Variants in FAM13B observed in about 807,000 individuals in gnomAD.
The protein encoded by FAM13B is protein FAM13B.
A neutral mutation model predicts 117.3 loss-of-function variants in FAM13B; 60 were observed. The observed-to-expected ratio is 0.51, with a 90% CI of 0.42 to 0.63. The LOEUF (loss-of-function observed/expected upper bound fraction) is 0.63. FAM13B is among the 30% of genes least tolerant of loss of function. FAM13B has a pLI of 0.00. For synonymous variants in FAM13B, 332 were observed against 356.1 expected (o/e 0.93, Z 0.76); for missense variants, 972 against 1,091.9 (o/e 0.89, Z 1.55).
At chr5:137,977,885 T>C (rs1315773648) in intron 10 of FAM13B, among the ~76,000 whole-genome samples, 1 of 152,216 alleles carries the variant, frequency 6.6e-6, no homozygotes, top group Non-Finnish European at 1.5e-5. Flanking sequence ...GTTGGAAACA[T>C]AAATATAAGG....
chr5:137,978,019 A>G (rs564074435), intron 10 of FAM13B, among the ~76,000 whole-genome samples: 1 of 151,832 alleles, frequency 6.6e-6, no homozygotes, highest in East Asian at 1.9e-4. Context: ...AGAAATTGGG[A>G]CTGCATTAGC....
At chr5:137,983,176 T>TTAAAAAAAAAAAAA (rs1776254227) in intron 10 of FAM13B, among the ~76,000 whole-genome samples, 1 of 75,098 alleles carries the variant, frequency 1.3e-5, no homozygotes, top group African/African-American at 5.7e-5. Flanking sequence ...CCAGTGTAGG[T>TTAAAAAAAAAAAAA]AAAAAAAAAA....
chr5:137,974,783 C>G (rs1773426043), intron 10 of FAM13B, among the ~76,000 whole-genome samples: 1 of 151,540 alleles, frequency 6.6e-6, no homozygotes, highest in African/African-American at 2.4e-5. Context: ...ATATTCTAGC[C>G]CAGGTGTTGG....
rs1763403909 is a variant in FAM13B, at chr5:137,946,276, A to C, written c.2196T>G (p.Ala732=). The part of the protein sequence containing the change: ...MTKDHLVEEK[A]SLQKSLLYYE... ...AGTAAAGAAGACTTTTCTGAAGAGA[A>C]GCTTTCTCTTCTACCAAATGATCTT... Residue 732 remains alanine (A), a synonymous_variant, in exon 19 of 24, where the codon GCT becomes GCG. Transcript: ENST00000689681. 5.7e-6 allele frequency: 9 copies of C among 1,589,556 alleles called. No homozygotes were observed. The highest frequency in any genetic ancestry group is 7.7e-6 in the Non-Finnish European group (9 of 1,173,188).
chr5:137,943,271 G>C (rs1762391916), intron 20 of FAM13B, 55 bp from the exon 21 acceptor site: 2 of 1,353,630 alleles, frequency 1.5e-6, no homozygotes, highest in Non-Finnish European at 2.1e-6. Flanking sequence ...AAAGTGTCCA[G>C]TGAAGCTTCC....
chr5:137,982,523 A>AAAC (rs59537285), intron 10 of FAM13B, among the ~76,000 whole-genome samples: 63,780 of 138,156 alleles, frequency 0.46, 14,297 homozygotes, highest in East Asian at 0.66. Context: ...TCCATCTCAA[A>AAAC]AACAACAACA....
In FAM13B at chr5:137,937,983, T is replaced by C. The variant is rs1039016992; in HGVS notation, c.*2242A>G. The stretch of plus-strand genomic sequence containing the variant: ...ACTTAGAACTTTCAAGTTCTTTTAT[T>C]ATAAAAGTCTGTACAATGAAGTGCC... On this transcript the variant is annotated 3_prime_UTR_variant, in exon 24 of 24. Transcript: ENST00000689681. 6 of 152,170 alleles carry C rather than the reference T, an allele frequency of 3.9e-5. No homozygotes were observed. The highest frequency in any genetic ancestry group is 1.3e-4 in the Admixed American group (2 of 15,278). The allele number at this position is 152,170 out of a possible 1,614,324, so 9.4% of individuals were successfully genotyped here. A position where few individuals can be genotyped will look rare whatever the true frequency, so the allele number is the denominator to read the frequency against.
intron 7 of FAM13B, among the ~76,000 whole-genome samples, chr5:137,992,188 A>C (rs1215513072): frequency 2.6e-5 from 4 of 152,014 alleles, no homozygotes; most frequent in Non-Finnish European, 4.4e-5. Context: ...CTAGGATTAC[A>C]GGTGTGAGCC....
chr5:137,953,578 G>T, intron 15 of FAM13B, 113 bp from the exon 16 acceptor site: 1 of 1,085,812 alleles, frequency 9.2e-7, no homozygotes, highest in Non-Finnish European at 1.3e-6. Context: ...GTAAAAATAA[G>T]TCCCTAACAC....
At chr5:138,030,710 GT>G (rs1228085272) in intron 1 of FAM13B, among the ~76,000 whole-genome samples, 1 of 109,348 alleles carries the variant, frequency 9.1e-6, no homozygotes, top group African/African-American at 3.4e-5. Context: ...ATGAAACTCC[GT>G]CCCCCCCCCC....
At chr5:138,039,455 A>C (rs1791404285) in intron 1 of FAM13B, 1 of 151,916 alleles carries the variant, frequency 6.6e-6, no homozygotes, top group South Asian at 2.1e-4. Flanking sequence ...GCTTCTCAGC[A>C]CCTTTTTTTT....
chr5:137,957,199 T>C (rs1766813213), intron 13 of FAM13B, among the ~76,000 whole-genome samples: 1 of 152,078 alleles, frequency 6.6e-6, no homozygotes, highest in South Asian at 2.1e-4. Flanking sequence ...GTATCCAGGG[T>C]CTAAAGTAAG....
chr5:137,958,859 T>C (rs897896042), intron 13 of FAM13B, among the ~76,000 whole-genome samples: 1 of 152,204 alleles, frequency 6.6e-6, no homozygotes, highest in Non-Finnish European at 1.5e-5. Flanking sequence ...ATCCATCCCA[T>C]TAACCATCTT....
chr5:138,018,878 T>A, intron 3 of FAM13B, 77 bp downstream of exon 3: 1 of 1,252,902 alleles, frequency 8.0e-7, no homozygotes, highest in Non-Finnish European at 1.1e-6. Context: ...AAAAAAAAAT[T>A]AAAAATCCAA....
At chr5:137,964,692 G>C (rs1319521116) in intron 10 of FAM13B, among the ~76,000 whole-genome samples, 1 of 152,078 alleles carries the variant, frequency 6.6e-6, no homozygotes, top group African/African-American at 2.4e-5. Flanking sequence ...CTGCACTCCA[G>C]TCTGGGTGAC....
intron 17 of FAM13B, 62 bp from the exon 18 acceptor site, chr5:137,949,246 A>C: frequency 8.5e-7 from 1 of 1,175,594 alleles, no homozygotes; most frequent in South Asian, 1.2e-5. Context: ...CGGGTCAAAG[A>C]ATAAGCAAAA....
chr5:137,967,061 CAG>C (rs1193024695), intron 10 of FAM13B, among the ~76,000 whole-genome samples: 1 of 150,550 alleles, frequency 6.6e-6, no homozygotes, highest in Non-Finnish European at 1.5e-5. Context: ...CTTATAATCT[CAG>C]AATAGGGAAG....
intron 1 of FAM13B, among the ~76,000 whole-genome samples, chr5:138,048,842 T>C (rs939625486): frequency 5.9e-5 from 9 of 152,164 alleles, no homozygotes; most frequent in Non-Finnish European, 1.5e-5. Flanking sequence ...AGCATCATTG[T>C]ACCCCATGCA....
chr5:137,962,561 T>C (rs1768452584), intron 10 of FAM13B, 92 bp from the exon 11 acceptor site: 5 of 1,074,320 alleles, frequency 4.7e-6, no homozygotes, highest in South Asian at 1.4e-5. Context: ...AGAATACAGA[T>C]TAGTCAAACA....
Sources: gnomAD v4.1 joint callset for allele counts (sites outside exome capture counted in the v4.1 genomes callset) on GRCh38, gnomAD v4.1.1 for gene constraint, MANE v1.5 for transcripts, NCBI Gene and HGNC (gene_info 2026-07-23, HGNC 2026-07-21) for gene names.